The following CACNA1B variants were observed in gnomAD, a reference collection of about 807,000 sequenced individuals.
CACNA1B encodes voltage-dependent N-type calcium channel subunit alpha-1B.
A neutral mutation model predicts 247.2 loss-of-function variants in CACNA1B; 70 were observed. That is an observed-to-expected ratio of 0.28 (90% CI 0.23 to 0.35). CACNA1B has a LOEUF of 0.35. CACNA1B is among the 10% of genes least tolerant of loss of function. The probability of loss-of-function intolerance (pLI) is 1.00; values close to 1 mark genes in which losing one functional copy is unlikely to be tolerated. For synonymous variants in CACNA1B, 1,231 were observed against 1,294.4 expected (o/e 0.95, Z 1.05); for missense variants, 2,367 against 3,197.4 (o/e 0.74, Z 6.26).
intron 3 of CACNA1B, among the ~76,000 whole-genome samples, chr9:137,895,566 G>GGTATA (rs1957163508): frequency 6.6e-6 from 1 of 152,096 alleles, no homozygotes; most frequent in African/African-American, 2.4e-5. Flanking sequence ...TACATGTTTT[G>GGTATA]TTACATTTAC....
At chr9:137,995,049 A>C (rs1035905012) in intron 15 of CACNA1B, among the ~76,000 whole-genome samples, 4 of 152,218 alleles carry the variant, frequency 2.6e-5, no homozygotes, top group Middle Eastern at 6.8e-3. Flanking sequence ...TACTTAAAAA[A>C]GTACACAAAT....
In CACNA1B at chr9:137,879,056, C is replaced by T. The variant is rs1956879221; in HGVS notation, c.287C>T (p.Pro96Leu). 6.2e-7 allele frequency: 1 copy of T among 1,607,546 alleles called. No homozygotes were observed. The highest frequency in any genetic ancestry group is 1.7e-5 in the Admixed American group (1 of 59,794). The stretch of plus-strand genomic sequence containing the variant: ...CGGCCAGTCCTTAACTCACGCACTC[C>T]ATTCGAGTATATGATCCTGGCCACC... ...KYAKRITEWP[P>L]FEYMILATII... The change falls in exon 2 of 47, where the codon CCA becomes CTA. Residue 96 changes from proline (P) to leucine (L), a missense_variant and splice_region_variant. Transcript: ENST00000371372.
chr9:137,951,735 G>A (rs1957879695), intron 6 of CACNA1B, among the ~76,000 whole-genome samples: 1 of 152,256 alleles, frequency 6.6e-6, no homozygotes, highest in Non-Finnish European at 1.5e-5. Context: ...TCATGCCTGA[G>A]TGCTGGGCGC....
chr9:138,069,989 C>T (rs1039317006), intron 32 of CACNA1B, among the ~76,000 whole-genome samples: 10 of 152,124 alleles, frequency 6.6e-5, no homozygotes, highest in Admixed American at 1.3e-4. Context: ...GGGAACTGGC[C>T]GTGGGCAGGG....
intron 19 of CACNA1B, 56 bp from the exon 20 acceptor site, chr9:138,024,899 C>A: frequency 7.8e-7 from 1 of 1,273,960 alleles, no homozygotes; most frequent in Admixed American, 2.0e-5. Flanking sequence ...CTCCCGGTGC[C>A]GGGATCACAG....
chr9:138,065,077 G>A (rs1011318357), intron 31 of CACNA1B, among the ~76,000 whole-genome samples: 1 of 152,192 alleles, frequency 6.6e-6, no homozygotes, highest in Non-Finnish European at 1.5e-5. Flanking sequence ...CAAGCTCCTG[G>A]GAGTCATCCC....
chr9:137,972,079 A>G (rs537409161), intron 11 of CACNA1B, among the ~76,000 whole-genome samples: 8 of 149,014 alleles, frequency 5.4e-5, no homozygotes, highest in African/African-American at 1.7e-4. Context: ...GGTTACCTTC[A>G]TTTTTCTTTA....
chr9:137,923,381 C>T (rs1474466190), intron 6 of CACNA1B, among the ~76,000 whole-genome samples: 4 of 100,938 alleles, frequency 4.0e-5, no homozygotes, highest in Admixed American at 2.3e-4. Flanking sequence ...TATTCCGTGG[C>T]ACCAGGTGGT....
At chr9:138,027,160 G>A (rs1958931319) in intron 20 of CACNA1B, among the ~76,000 whole-genome samples, 3 of 151,972 alleles carry the variant, frequency 2.0e-5, no homozygotes, top group South Asian at 4.1e-4. Context: ...GTATATTTTG[G>A]ATACAAGTCT....
At chr9:137,944,441 C>T (rs370429041) in intron 6 of CACNA1B, among the ~76,000 whole-genome samples, 4 of 152,126 alleles carry the variant, frequency 2.6e-5, no homozygotes, top group Admixed American at 6.6e-5. Flanking sequence ...TTCATTCCCT[C>T]GGGTGTGTTA....
intron 10 of CACNA1B, among the ~76,000 whole-genome samples, chr9:137,958,368 T>C (rs553165368): frequency 1.3e-5 from 2 of 152,238 alleles, no homozygotes; most frequent in African/African-American, 2.4e-5. Flanking sequence ...ACACAAACAC[T>C]CATACATCCA....
At chr9:137,993,629 C>G (rs1316215585) in intron 15 of CACNA1B, among the ~76,000 whole-genome samples, 1 of 152,118 alleles carries the variant, frequency 6.6e-6, no homozygotes, top group Admixed American at 6.5e-5. Flanking sequence ...AAAGGTACAA[C>G]CATCCTAGCT....
intron 20 of CACNA1B, among the ~76,000 whole-genome samples, 172 bp downstream of exon 20, chr9:138,025,344 G>T (rs565217631): frequency 6.6e-6 from 1 of 152,332 alleles, no homozygotes; most frequent in East Asian, 1.9e-4. Flanking sequence ...ATGTCCTGTT[G>T]ATTTCTAGTG....
chr9:137,968,266 C>T (rs1361322507), intron 10 of CACNA1B, among the ~76,000 whole-genome samples: 8 of 152,202 alleles, frequency 5.3e-5, no homozygotes, highest in Non-Finnish European at 4.4e-5. Flanking sequence ...ATTCTCAGCA[C>T]TGCTTGGTGC....
intron 6 of CACNA1B, among the ~76,000 whole-genome samples, chr9:137,923,170 G>A (rs1003254294): frequency 3.3e-5 from 5 of 151,626 alleles, no homozygotes; most frequent in African/African-American, 7.3e-5. Flanking sequence ...GTGCCAGGTA[G>A]TATTCCGTGG....
intron 36 of CACNA1B, among the ~76,000 whole-genome samples, chr9:138,087,768 A>T (rs568957631): frequency 9.9e-5 from 15 of 151,396 alleles, no homozygotes; most frequent in Non-Finnish European, 1.3e-4. Flanking sequence ...AAAAATATTG[A>T]AACAATAAAA....
chr9:138,086,263 T>C (rs185063424), intron 36 of CACNA1B, among the ~76,000 whole-genome samples: 1 of 151,252 alleles, frequency 6.6e-6, no homozygotes, highest in African/African-American at 2.4e-5. Context: ...AGGACACATA[T>C]AGAGTGAAAG....
chr9:137,897,177 GTTTGA>G (rs1486537567), intron 3 of CACNA1B, among the ~76,000 whole-genome samples: 2 of 151,826 alleles, frequency 1.3e-5, no homozygotes, highest in African/African-American at 2.4e-5. Flanking sequence ...CCTTCATTCT[GTTTGA>G]TTTGAGTTTA....
rs984449024 is a variant in CACNA1B, at chr9:138,121,913, A to G, written c.6934A>G (p.Asn2312Asp). The G allele has an allele frequency of 6.2e-7, 1 of 1,611,188 alleles. No individual in the cohort carries two copies. The highest frequency in any genetic ancestry group is 1.3e-5 in the African/African-American group (1 of 75,036). The stretch of plus-strand genomic sequence containing the variant: ...GTCTCACCCTCTCCGCCGCGTGCCC[A>G]ACGGTTACCACTGCACCCTGGGACT... ...SQSHPLRRVPNGYHCTLGLSS... is the reference protein window; with the variant it reads ...SQSHPLRRVPDGYHCTLGLSS... The change falls in exon 47 of 47, where the codon AAC becomes GAC. Residue 2312 changes from asparagine (N) to aspartate (D), a missense_variant. By Grantham distance (23) the Asn-to-Asp change is conservative. Coordinates refer to ENST00000371372, the MANE Select transcript of CACNA1B (RefSeq NM_000718.4). This position sits in a 1 kb window ranked among gnomAD's most constrained non-coding sequence, Gnocchi z 6.8.
Sources: allele counts gnomAD v4.1 joint callset (sites outside exome capture counted in the v4.1 genomes callset), GRCh38; gene constraint gnomAD v4.1.1; non-coding constraint Gnocchi (gnomAD v3.1); transcripts MANE v1.5; gene names NCBI Gene and HGNC (gene_info 2026-07-23, HGNC 2026-07-21).